The following SYTL3 variants were observed in gnomAD, a reference collection of about 807,000 sequenced individuals.
SYTL3 encodes synaptotagmin like 3.
In SYTL3, 88 loss-of-function variants were observed where a neutral mutation model predicts 82.1. The observed-to-expected ratio is 1.07, with a 90% confidence interval of 0.90 to 1.28. The LOEUF (loss-of-function observed/expected upper bound fraction) is 1.28. Ranked by LOEUF, SYTL3 falls within the 50% of genes most tolerant of loss-of-function variation. The pLI is 0.00. For synonymous variants in SYTL3, 311 were observed against 289.4 expected (o/e 1.07, Z -0.76); for missense variants, 831 against 757.6 (o/e 1.10, Z -1.14).
rs1777560035 is a variant in SYTL3, at chr6:158,672,897, AC to A, written c.329+7285del. On this transcript the variant is annotated intron_variant, in intron 5 of 17. Transcript: ENST00000611299. ...TGATCTGCCCGTCTCGGCCTCTCAA[AC>A]TGCTGGAATTTCAGGCGTGAGCCAC... is the stretch of plus-strand genomic sequence containing the variant. Among the ~76,000 whole-genome samples the A allele has an allele frequency of 3.3e-5, 5 of 151,658 alleles. No homozygotes were observed. In the South Asian group the frequency reaches 1.0e-3, roughly 32 times the overall value.
chr6:158,669,788 G>A (rs1167583864), intron 5 of SYTL3, among the ~76,000 whole-genome samples: 2 of 152,184 alleles, frequency 1.3e-5, no homozygotes. Context: ...TTATCAAAAG[G>A]GAGGTGAGCT....
At chr6:158,671,130 G>T (rs1002978707) in intron 5 of SYTL3, among the ~76,000 whole-genome samples, 1 of 152,050 alleles carries the variant, frequency 6.6e-6, no homozygotes, top group African/African-American at 2.4e-5. Flanking sequence ...GAAAAAAAAA[G>T]TTTCTTTTGT....
intron 14 of SYTL3, among the ~76,000 whole-genome samples, chr6:158,760,079 G>A (rs761047290): frequency 6.6e-5 from 10 of 151,946 alleles, no homozygotes; most frequent in South Asian, 4.2e-4. Flanking sequence ...TCTCTTTCCC[G>A]GCCCTCTCTT....
intron 4 of SYTL3, 151 bp downstream of exon 4, chr6:158,663,529 G>A (rs1409093384): frequency 2.1e-6 from 3 of 1,445,188 alleles, no homozygotes; most frequent in African/African-American, 2.9e-5. Context: ...AGGTCTGTTG[G>A]TGGAGATGAT....
intron 5 of SYTL3, among the ~76,000 whole-genome samples, chr6:158,669,108 C>A (rs1777073439): frequency 5.9e-5 from 9 of 152,108 alleles, no homozygotes; most frequent in Admixed American, 5.9e-4. Flanking sequence ...AGTGAAATGG[C>A]AGATGGTAAC....
At chr6:158,740,734 CA>C (rs1786821705) in intron 11 of SYTL3, among the ~76,000 whole-genome samples, 1 of 152,144 alleles carries the variant, frequency 6.6e-6, no homozygotes, top group Non-Finnish European at 1.5e-5. Flanking sequence ...ATTTGAGATT[CA>C]AAAATATTAG....
In SYTL3 at chr6:158,745,232, C is replaced by T. The variant is rs148297609; in HGVS notation, c.856-248C>T. Among the ~76,000 whole-genome samples, 983 of 114,382 alleles carry T rather than the reference C, an allele frequency of 8.6e-3. 18 individuals are homozygous for T. The highest frequency in any genetic ancestry group is 0.012 in the Non-Finnish European group (664 of 53,794). The allele number at this position is 114,382 out of a possible 152,430, so 75.0% of individuals were successfully genotyped here. ...AGCAATTTGTGTTAAAGAATGAGAT[C>T]GTGTAACATTTATTGCTAGGCAAAA... On this transcript the variant is annotated intron_variant, in intron 11 of 17. Transcript: ENST00000611299.
chr6:158,646,194 G>A (rs963841834), upstream of SYTL3, among the ~76,000 whole-genome samples: 1 of 152,132 alleles, frequency 6.6e-6, no homozygotes, highest in African/African-American at 2.4e-5. Flanking sequence ...TGGTGTGATC[G>A]GAGATTTTGA....
chr6:158,676,539 G>A (rs1187591506), intron 5 of SYTL3, among the ~76,000 whole-genome samples: 1 of 151,836 alleles, frequency 6.6e-6, no homozygotes, highest in African/African-American at 2.4e-5. Flanking sequence ...GGCAACAAAA[G>A]CCAAAATTGA....
rs767685900 is a variant in SYTL3, at chr6:158,762,076, G to A, written c.1415G>A (p.Gly472Glu). Residue 472 changes from glycine (G) to glutamate (E), a missense_variant and splice_region_variant, in exon 16 of 18, where the codon GGG becomes GAG. Transcript: ENST00000611299. Reference protein sequence around the residue: ...RPRKLQEAQEGTDQPSLHGQL... With the variant: ...RPRKLQEAQEETDQPSLHGQL... ...CAGTGAATACTGGCTTTCCTTCCAG[G>A]GACAGATCAGCCATCACTTCATGGT... 6 of 1,611,144 alleles carry A rather than the reference G, an allele frequency of 3.7e-6. No homozygotes were observed. The highest frequency in any genetic ancestry group is 5.1e-6 in the Non-Finnish European group (6 of 1,177,676).
intron 2 of SYTL3, among the ~76,000 whole-genome samples, chr6:158,653,878 C>G (rs1009910112): frequency 6.6e-6 from 1 of 152,222 alleles, no homozygotes; most frequent in South Asian, 2.1e-4. Flanking sequence ...TTCCTTTGAT[C>G]TGATGACTGA....
chr6:158,672,392 T>C (rs1410676262), intron 5 of SYTL3, among the ~76,000 whole-genome samples: 5 of 152,194 alleles, frequency 3.3e-5, no homozygotes, highest in Admixed American at 3.3e-4. Flanking sequence ...GAGGAATGAT[T>C]TCACTGGGTT....
chr6:158,718,108 A>G lies in SYTL3; in HGVS notation c.617A>G (p.Asp206Gly), dbSNP rs1388373277. 1.9e-6 allele frequency: 3 copies of G among 1,544,246 alleles called. No individual in the cohort carries two copies. The highest frequency in any genetic ancestry group is 2.4e-5 in the South Asian group (2 of 83,158). Residue 206 changes from aspartate (D) to glycine (G), a missense_variant, in exon 10 of 18, where the codon GAT (aspartate) becomes GGT (glycine). By Grantham distance (94) the Asp-to-Gly change is moderately conservative. Transcript: ENST00000611299. ...TTAGAGCTCTCCAAATCCCAGAATGATATGACTTCTGAGAAGCATCTTCTC... is the reference window on the plus strand; with the variant it reads ...TTAGAGCTCTCCAAATCCCAGAATGGTATGACTTCTGAGAAGCATCTTCTC... ...HVKKLSKSQN[D>G]MTSEKHLLAT...
At chr6:158,662,067 C>G (rs1789441936) in intron 3 of SYTL3, among the ~76,000 whole-genome samples, 1 of 152,064 alleles carries the variant, frequency 6.6e-6, no homozygotes, top group African/African-American at 2.4e-5. Flanking sequence ...CCTTAGAGCT[C>G]TGTTAGCCTC....
In SYTL3 at chr6:158,763,521, A is replaced by G. The variant is rs1790293973; in HGVS notation, c.1723+12A>G. 1.9e-6 allele frequency: 3 copies of G among 1,609,586 alleles called. No homozygotes were observed. The highest frequency in any genetic ancestry group is 2.6e-6 in the Non-Finnish European group (3 of 1,176,080). ...CAGACTTGGTTCAAGTAAGTCTGAGACATTGAGCCCAAACGTTTATACTTT... is the reference window on the plus strand; with the variant it reads ...CAGACTTGGTTCAAGTAAGTCTGAGGCATTGAGCCCAAACGTTTATACTTT... On this transcript the variant is annotated intron_variant, in intron 17 of 17. Transcript: ENST00000611299.
chr6:158,674,871 G>T (rs1777847803), intron 5 of SYTL3, among the ~76,000 whole-genome samples: 1 of 151,962 alleles, frequency 6.6e-6, no homozygotes, highest in Non-Finnish European at 1.5e-5. Context: ...TGTATCCTCT[G>T]GTTAAGCAAG....
intron 6 of SYTL3, among the ~76,000 whole-genome samples, chr6:158,702,957 A>G (rs1781489669): frequency 6.6e-6 from 1 of 152,010 alleles, no homozygotes; most frequent in African/African-American, 2.4e-5. Context: ...GATCGAGACC[A>G]TCCTGGCTAA....
chr6:158,727,689 CT>C (rs55657606), intron 11 of SYTL3, among the ~76,000 whole-genome samples: 48 of 106,644 alleles, frequency 4.5e-4, no homozygotes, highest in Admixed American at 8.2e-4. Context: ...TCCAAGTACT[CT>C]TTTTTTTTTT....
At chr6:158,647,249 T>C (rs1787538560), upstream of SYTL3, among the ~76,000 whole-genome samples, 1 of 152,272 alleles carries the variant, frequency 6.6e-6, no homozygotes, top group Non-Finnish European at 1.5e-5. Flanking sequence ...TACATGATTT[T>C]AGCTTTTATA....
Sources: gnomAD v4.1 joint callset for allele counts (sites outside exome capture counted in the v4.1 genomes callset) on GRCh38, gnomAD v4.1.1 for gene constraint, MANE v1.5 for transcripts, NCBI Gene and HGNC (gene_info 2026-07-23, HGNC 2026-07-21) for gene names.